Variants in DAB1 observed in about 807,000 individuals in gnomAD.
The protein encoded by DAB1 is DAB adaptor protein 1.
In DAB1, 15 loss-of-function variants were observed where a neutral mutation model predicts 64.6. The observed-to-expected ratio is 0.23, with a 90% CI of 0.16 to 0.36. DAB1 has a LOEUF of 0.36. Ranked by LOEUF, DAB1 falls within the 10% of genes least tolerant of loss-of-function variation. DAB1 has a pLI of 1.00. For missense variants in DAB1, 596 were observed against 706.7 expected, an observed-to-expected ratio of 0.84 and a Z score of 1.78; for synonymous variants, 235 against 251.9, an observed-to-expected ratio of 0.93 and a Z score of 0.64.
chr1:58,091,107 C>G (rs1218284581), intron 5 of DAB1, among the ~76,000 whole-genome samples: 9 of 152,186 alleles, frequency 5.9e-5, no homozygotes, highest in African/African-American at 2.2e-4. Context: ...CTACAGACTC[C>G]TTAGCCCCCT....
chr1:58,128,955 A>C (rs1394662415), intron 5 of DAB1, among the ~76,000 whole-genome samples: 6 of 142,730 alleles, frequency 4.2e-5, no homozygotes, highest in Non-Finnish European at 9.2e-5. Context: ...TTGGTATCAG[A>C]ATGATGCTGG....
At chr1:57,753,232 G>A (rs1251738254) in intron 6 of DAB1, among the ~76,000 whole-genome samples, 1 of 152,118 alleles carries the variant, frequency 6.6e-6, no homozygotes, top group Non-Finnish European at 1.5e-5. Context: ...TTATACAAAT[G>A]TGGCTGACTG....
intron 5 of DAB1, among the ~76,000 whole-genome samples, chr1:57,935,437 T>C (rs1481046063): frequency 6.6e-6 from 1 of 152,198 alleles, no homozygotes; most frequent in Admixed American, 6.5e-5. Flanking sequence ...ATTATGGTAA[T>C]TGCTTAATGG....
At chr1:57,282,828 G>A (rs1462474063) in intron 2 of DAB1, among the ~76,000 whole-genome samples, 3 of 152,154 alleles carry the variant, frequency 2.0e-5, no homozygotes, top group Admixed American at 6.5e-5. Context: ...ACAAATCACA[G>A]AGTTCATATA....
intron 6 of DAB1, among the ~76,000 whole-genome samples, chr1:57,711,194 A>G (rs1056127437): frequency 2.0e-5 from 3 of 152,234 alleles, no homozygotes; most frequent in Non-Finnish European, 4.4e-5. Context: ...GAATTTTGTC[A>G]AAGGCCTATT....
intron 1 of DAB1, among the ~76,000 whole-genome samples, chr1:57,402,124 T>C (rs1683290869): frequency 6.6e-6 from 1 of 152,166 alleles, no homozygotes; most frequent in South Asian, 2.1e-4. Context: ...GTACAGTAGA[T>C]GTTAGAACAA....
At chr1:57,728,103 C>G (rs1033354735) in intron 6 of DAB1, among the ~76,000 whole-genome samples, 1 of 152,174 alleles carries the variant, frequency 6.6e-6, no homozygotes, top group Non-Finnish European at 1.5e-5. Context: ...CTACCAAAGA[C>G]ACTTTAGAAA....
At chr1:57,783,636 G>A (rs1650211358) in intron 6 of DAB1, among the ~76,000 whole-genome samples, 1 of 152,128 alleles carries the variant, frequency 6.6e-6, no homozygotes, top group Non-Finnish European at 1.5e-5. Context: ...TGGAAACCCT[G>A]TGTTGAGCAA....
chr1:58,152,533 A>C (rs1336185040), intron 4 of DAB1, among the ~76,000 whole-genome samples: 45 of 152,224 alleles, frequency 3.0e-4, no homozygotes, highest in Admixed American at 2.9e-3. Context: ...ACATGCATGC[A>C]AATCTCTGCC....
chr1:57,827,345 T>C (rs1200578718), intron 1 of DAB1, among the ~76,000 whole-genome samples: 1 of 152,238 alleles, frequency 6.6e-6, no homozygotes, highest in Admixed American at 6.5e-5. Flanking sequence ...CATGTTAGTA[T>C]CTGTGCCTAG....
At chr1:57,565,512 T>C (rs1196715707) in intron 7 of DAB1, among the ~76,000 whole-genome samples, 4 of 151,998 alleles carry the variant, frequency 2.6e-5, no homozygotes, top group East Asian at 3.9e-4. Context: ...CATCAGTGTG[T>C]TGTATTCTGG....
At chr1:57,581,850 G>A (rs1411208233) in intron 7 of DAB1, among the ~76,000 whole-genome samples, 1 of 152,108 alleles carries the variant, frequency 6.6e-6, no homozygotes, top group East Asian at 1.9e-4. Context: ...CTAAGTTTCT[G>A]AGAAATAGGC....
In DAB1 at chr1:58,201,927, G is replaced by T. The variant is rs993103147; in HGVS notation, n.310-51339C>A. ...GTAGCAGAGTATGGCAGTGAGGAGT[G>T]CAGCCTCTATAGCAACATCCAACCT... On this transcript the variant is annotated intron_variant and non_coding_transcript_variant, in intron 4 of 20. Coordinates refer to the DAB1 transcript ENST00000485760. 2.6e-5 allele frequency among the ~76,000 whole-genome samples: 4 copies of T among 152,252 alleles called. No homozygotes were observed. The East Asian group carries it at 5.8e-4, about 22-fold the overall frequency.
intron 3 of DAB1, among the ~76,000 whole-genome samples, chr1:58,427,877 C>T (rs1644836344): frequency 1.3e-5 from 2 of 152,050 alleles, no homozygotes; most frequent in African/African-American, 4.8e-5. Context: ...TTACACCAGC[C>T]AAAGATGGGA....
chr1:57,643,261 A>G (rs1646153052), intron 7 of DAB1, among the ~76,000 whole-genome samples: 1 of 152,132 alleles, frequency 6.6e-6, no homozygotes. Flanking sequence ...TTCTCTTTGC[A>G]TGGATACCCT....
chr1:58,402,465 G>C (rs1484519013), intron 3 of DAB1, among the ~76,000 whole-genome samples: 3 of 152,172 alleles, frequency 2.0e-5, no homozygotes, highest in African/African-American at 7.2e-5. Context: ...TCTCTGCAAT[G>C]GAAGAGAAAG....
intron 7 of DAB1, among the ~76,000 whole-genome samples, chr1:57,465,785 C>A (rs1198533226): frequency 6.6e-6 from 1 of 152,086 alleles, no homozygotes; most frequent in East Asian, 1.9e-4. Context: ...ATGAGTGAAT[C>A]TTTCTGTTAT....
chr1:58,489,488 C>T (rs1645637984), intron 3 of DAB1, among the ~76,000 whole-genome samples: 1 of 152,202 alleles, frequency 6.6e-6, no homozygotes, highest in Non-Finnish European at 1.5e-5. Flanking sequence ...AGGAGGCCTG[C>T]CTGCCTGTGT....
chr1:57,691,305 C>G (rs2101713548), intron 6 of DAB1, among the ~76,000 whole-genome samples: 1 of 152,230 alleles, frequency 6.6e-6, no homozygotes, highest in South Asian at 2.1e-4. Context: ...TGAAAACTCA[C>G]CAATCAGTAC....
Sources: gnomAD v4.1 joint callset for allele counts (sites outside exome capture counted in the v4.1 genomes callset) on GRCh38, gnomAD v4.1.1 for gene constraint, MANE v1.5 for transcripts, NCBI Gene and HGNC (gene_info 2026-07-23, HGNC 2026-07-21) for gene names.